CAMK4: variants seen among roughly 807,000 people sequenced by gnomAD.
The protein encoded by CAMK4 is calcium/calmodulin-dependent protein kinase type IV.
Under a neutral mutation model 44.9 loss-of-function variants are expected in CAMK4, and 22 were observed. That is an observed-to-expected ratio of 0.49 (90% confidence interval 0.35 to 0.70). The LOEUF is 0.70. Among genes scored for constraint, CAMK4 ranks in the 30% least tolerant of loss-of-function variants. The pLI, the probability that CAMK4 is intolerant of heterozygous loss-of-function variation, is 0.01. For missense variants in CAMK4, 498 were observed against 586.8 expected (o/e 0.85, Z 1.56); for synonymous variants, 218 against 215.4 (o/e 1.01, Z -0.11).
rs762035233 is a variant in CAMK4, at chr5:111,224,636, G to A, written c.153G>A (p.Glu51=). The change falls in exon 1 of 11, where the codon GAG becomes GAA. Residue 51 remains glutamate, a synonymous_variant. Transcript: ENST00000282356. The surrounding 1 kb of genome is among the most constrained non-coding windows in gnomAD (Gnocchi z 5.7). The part of the protein sequence containing the change: ...ALSDFFEVES[E]LGRGATSIVY... The stretch of plus-strand genomic sequence containing the variant: ...GCGATTTCTTCGAGGTGGAGTCGGA[G>A]CTGGGACGGTAAGGCGCGGGCTCCG... 75 of 1,608,710 alleles carry A rather than the reference G, an allele frequency of 4.7e-5. No individual in the cohort carries two copies. Among genetic ancestry groups the A allele is most frequent in the Non-Finnish European group, 5.9e-5 (70 of 1,178,118 alleles).
chr5:111,380,986 A>G (rs547296011), intron 4 of CAMK4, among the ~76,000 whole-genome samples: 19 of 152,262 alleles, frequency 1.2e-4, no homozygotes, highest in African/African-American at 4.1e-4. Context: ...TACCAGGGCT[A>G]TTCTTACTTG....
chr5:111,386,235 T>C (rs988855657), intron 4 of CAMK4, among the ~76,000 whole-genome samples: 1 of 152,206 alleles, frequency 6.6e-6, no homozygotes, highest in African/African-American at 2.4e-5. Flanking sequence ...ACAGCAGATT[T>C]CATTTTAATA....
At chr5:111,320,650 G>A (rs1413736019) in intron 1 of CAMK4, among the ~76,000 whole-genome samples, 3 of 152,116 alleles carry the variant, frequency 2.0e-5, no homozygotes, top group Non-Finnish European at 4.4e-5. Flanking sequence ...GGGATTACAG[G>A]CATGCACCAC....
chr5:111,395,230 A>AAAAAAAAAAAAAAAAAAAG (rs1561460468), intron 5 of CAMK4, among the ~76,000 whole-genome samples: 1 of 106,454 alleles, frequency 9.4e-6, no homozygotes, highest in African/African-American at 3.6e-5. Context: ...AAAAAAAAGA[A>AAAAAAAAAAAAAAAAAAAG]AAAAAAAAAG....
At position 111,485,566 on chromosome 5, in the gene CAMK4, T is replaced by C. The variant is rs1406729150; in HGVS notation, c.*1100T>C. On this transcript the variant is annotated 3_prime_UTR_variant, in exon 11 of 11. Coordinates refer to ENST00000282356, the MANE Select transcript of CAMK4 (RefSeq NM_001744.6). ...ATTGATGGTTATCTACACATATCAC[T>C]TATAAACTAAAGTTATTTATGAAAA... The C allele has an allele frequency of 6.6e-6, 1 of 152,184 alleles. No individual in the cohort carries two copies. Among genetic ancestry groups the C allele is most frequent in the Non-Finnish European group, 1.5e-5 (1 of 68,000 alleles). 9.4% of individuals were successfully genotyped at this position (152,184 alleles called of 1,614,324 possible). A position where few individuals can be genotyped will look rare whatever the true frequency, so the allele number is the denominator to read the frequency against.
intron 1 of CAMK4, among the ~76,000 whole-genome samples, chr5:111,279,225 A>G (rs990592313): frequency 2.0e-5 from 3 of 152,174 alleles, no homozygotes; most frequent in Non-Finnish European, 4.4e-5. Flanking sequence ...AATGATGAAT[A>G]TTACTGGAGG....
intron 7 of CAMK4, among the ~76,000 whole-genome samples, chr5:111,454,659 A>T (rs1754354771): frequency 6.6e-6 from 1 of 151,552 alleles, no homozygotes; most frequent in Non-Finnish European, 1.5e-5. Flanking sequence ...AAAAAAAAAA[A>T]AAAAGAAAAA....
chr5:111,371,668 C>T (rs1055863041), intron 2 of CAMK4, among the ~76,000 whole-genome samples: 2 of 152,050 alleles, frequency 1.3e-5, no homozygotes, highest in Non-Finnish European at 1.5e-5. Context: ...TTCAATAAAA[C>T]ACATTTTTTG....
intron 1 of CAMK4, among the ~76,000 whole-genome samples, chr5:111,313,437 C>A (rs527276743): frequency 1.3e-5 from 2 of 152,168 alleles, no homozygotes; most frequent in African/African-American, 4.8e-5. Flanking sequence ...AATATCCACA[C>A]AACTTTTCTC....
At chr5:111,479,161 G>C (rs1383991578) in intron 9 of CAMK4, among the ~76,000 whole-genome samples, 1 of 152,154 alleles carries the variant, frequency 6.6e-6, no homozygotes, top group Non-Finnish European at 1.5e-5. Flanking sequence ...TTACAGATGT[G>C]AGCCACTGCA....
intron 1 of CAMK4, among the ~76,000 whole-genome samples, chr5:111,251,405 T>TA (rs1749485682): frequency 6.6e-6 from 1 of 152,166 alleles, no homozygotes; most frequent in African/African-American, 2.4e-5. Context: ...CAGGTTGGTC[T>TA]TAGAAATATA....
chr5:111,479,201 A>G (rs1413647873), intron 9 of CAMK4, among the ~76,000 whole-genome samples: 1 of 152,214 alleles, frequency 6.6e-6, no homozygotes, highest in African/African-American at 2.4e-5. Context: ...AAGTAAAACA[A>G]TACTGCTTCC....
At position 111,290,180 on chromosome 5, in the gene CAMK4, C is replaced by T. The variant is rs1422772226; in HGVS notation, c.162-53844C>T. 6.6e-6 allele frequency among the ~76,000 whole-genome samples: 1 copy of T among 152,138 alleles called. No homozygotes were observed. The highest frequency in any genetic ancestry group is 2.4e-5 in the African/African-American group (1 of 41,426). ...CTGTTTTGGAGTATAGACGCCTGCT[C>T]CCCTACCCATAAAAATTTTCCTTGA... is the stretch of plus-strand genomic sequence containing the variant. On this transcript the variant is annotated intron_variant, in intron 1 of 10. Coordinates refer to ENST00000282356, the MANE Select transcript of CAMK4 (RefSeq NM_001744.6). The surrounding 1 kb of genome is among the most constrained non-coding windows in gnomAD (Gnocchi z 4.5).
chr5:111,263,624 A>G (rs1056463696), intron 1 of CAMK4, among the ~76,000 whole-genome samples: 49 of 152,202 alleles, frequency 3.2e-4, no homozygotes, highest in Admixed American at 9.8e-4. Flanking sequence ...ATCCTGCTAT[A>G]ATCCATTTTT....
Position 111,340,354 on chromosome 5 carries a change from T to C in CAMK4, c.162-3670T>C, listed in dbSNP as rs527640348. Among the ~76,000 whole-genome samples the C allele has an allele frequency of 5.9e-5, 9 of 151,458 alleles. No individual in the cohort carries two copies. The South Asian group carries it at 1.9e-3, about 31-fold the overall frequency. On this transcript the variant is annotated intron_variant, in intron 1 of 10. Coordinates refer to ENST00000282356, the MANE Select transcript of CAMK4 (RefSeq NM_001744.6). ...ACCATTGAGTATATTAGCTGTGGAATTGTCATATATGGCCTTTATTGTGTT... is the reference window on the plus strand; with the variant it reads ...ACCATTGAGTATATTAGCTGTGGAACTGTCATATATGGCCTTTATTGTGTT...
At chr5:111,395,334 G>T (rs1407675615) in intron 5 of CAMK4, among the ~76,000 whole-genome samples, 6 of 151,604 alleles carry the variant, frequency 4.0e-5, no homozygotes, top group Non-Finnish European at 7.4e-5. Context: ...TCTATATAAT[G>T]CCATAAGTGT....
chr5:111,228,277 A>G (rs959791368), intron 1 of CAMK4, among the ~76,000 whole-genome samples: 2 of 152,196 alleles, frequency 1.3e-5, no homozygotes, highest in Non-Finnish European at 2.9e-5. Flanking sequence ...CTTTAAATTT[A>G]GTTCCCATTC....
At chr5:111,229,931 G>A (rs1217189558) in intron 1 of CAMK4, among the ~76,000 whole-genome samples, 1 of 152,110 alleles carries the variant, frequency 6.6e-6, no homozygotes, top group Non-Finnish European at 1.5e-5. Flanking sequence ...GGTTTGGCTG[G>A]TTCACTATTA....
At chr5:111,268,826 T>TA (rs939244835) in intron 1 of CAMK4, among the ~76,000 whole-genome samples, 5 of 152,140 alleles carry the variant, frequency 3.3e-5, no homozygotes, top group African/African-American at 1.2e-4. Context: ...GATTAAATAT[T>TA]AAAAAATGAT....
Sources: allele counts gnomAD v4.1 joint callset (sites outside exome capture counted in the v4.1 genomes callset), GRCh38; gene constraint gnomAD v4.1.1; non-coding constraint Gnocchi (gnomAD v3.1); transcripts MANE v1.5; gene names NCBI Gene and HGNC (gene_info 2026-07-23, HGNC 2026-07-21).